Variants in GALNT17 observed in about 807,000 individuals in gnomAD.
The protein encoded by GALNT17 is UDP-GalNAc:polypeptide N-acetylgalactosaminyltransferase-like 3.
Under a neutral mutation model 63.7 loss-of-function variants are expected in GALNT17, and 29 were observed. The ratio of observed to expected loss-of-function variants is 0.46; its 90% CI spans 0.34 to 0.62. The LOEUF is 0.62. Among genes scored for constraint, GALNT17 ranks in the 20% least tolerant of loss-of-function variants. GALNT17 has a pLI of 0.01. For synonymous variants in GALNT17, 305 were observed against 318.3 expected (o/e 0.96, Z 0.45); for missense variants, 603 against 799.6 (o/e 0.75, Z 2.97).
At chr7:71,595,442 A>G (rs1438359462) in intron 6 of GALNT17, among the ~76,000 whole-genome samples, 2 of 151,350 alleles carry the variant, frequency 1.3e-5, no homozygotes, top group African/African-American at 4.9e-5. Context: ...AAAAAAAAAA[A>G]AAGATGCAAA....
At chr7:71,345,350 C>T (rs865911288) in intron 2 of GALNT17, among the ~76,000 whole-genome samples, 5 of 152,056 alleles carry the variant, frequency 3.3e-5, no homozygotes, top group Admixed American at 6.6e-5. Flanking sequence ...AATTTATGAG[C>T]GGTTTCTACT....
intron 8 of GALNT17, 148 bp downstream of exon 8, chr7:71,670,257 G>A (rs946983417): frequency 1.9e-4 from 200 of 1,070,334 alleles, no homozygotes; most frequent in Non-Finnish European, 1.4e-4. Flanking sequence ...CTCTCTAGCT[G>A]GGGGGTTGGG....
intron 5 of GALNT17, among the ~76,000 whole-genome samples, chr7:71,568,295 A>T (rs1049479200): frequency 4.6e-5 from 7 of 152,210 alleles, no homozygotes; most frequent in African/African-American, 1.4e-4. Flanking sequence ...TCAGTCGTTC[A>T]GTGGAGATGG....
In GALNT17 at chr7:71,562,080, C is replaced by A. The variant is rs148247020; in HGVS notation, c.963-9205C>A. Among the ~76,000 whole-genome samples the A allele has an allele frequency of 4.5e-3, 681 of 152,186 alleles. 11 individuals carry two copies. Among genetic ancestry groups the A allele is most frequent in the African/African-American group, 0.016 (650 of 41,530 alleles). Reference sequence around the variant, plus strand: ...AAGTGATTCTCCAGCCTCAGCCTCCCAAGTAACTGGGAATACAGGTGCGCA... The same window carrying A: ...AAGTGATTCTCCAGCCTCAGCCTCCAAAGTAACTGGGAATACAGGTGCGCA... On this transcript the variant is annotated intron_variant, in intron 5 of 10. Coordinates refer to ENST00000333538, the MANE Select transcript of GALNT17 (RefSeq NM_022479.3).
chr7:71,133,163 T>C (rs1787718770), intron 1 of GALNT17, 123 bp downstream of exon 1: 2 of 832,818 alleles, frequency 2.4e-6, no homozygotes, highest in Non-Finnish European at 3.5e-6. Flanking sequence ...TCCCGCGCGC[T>C]CCTTCTTACC....
intron 9 of GALNT17, among the ~76,000 whole-genome samples, chr7:71,690,368 GA>G (rs772531300): frequency 3.2e-3 from 427 of 132,020 alleles, no homozygotes; most frequent in Middle Eastern, 7.6e-3. Context: ...CCACTTCTCA[GA>G]AAAAAAAAAA....
rs150157389 is a variant in GALNT17 at position 71,416,012 on chromosome 7, C to G, written c.713C>G (p.Thr238Ser). The part of the protein sequence containing the change: ...RARIEGWKVA[T>S]GQVTGFFDAH... ...CGCATTGAGGGCTGGAAGGTGGCTA[C>G]CGGGCAGGTCACTGGCTTCTTTGAT... The change falls in exon 4 of 11, where the codon ACC (threonine) becomes AGC (serine). Residue 238 changes from threonine to serine, a missense_variant. Transcript: ENST00000333538. 1.4e-4 allele frequency: 233 copies of G among 1,613,360 alleles called. No individual in the cohort carries two copies. Among genetic ancestry groups the G allele is most frequent in the Non-Finnish European group, 1.9e-4 (222 of 1,179,754 alleles).
chr7:71,190,032 C>G (rs774247057), intron 1 of GALNT17, among the ~76,000 whole-genome samples: 2 of 151,954 alleles, frequency 1.3e-5, no homozygotes, highest in Non-Finnish European at 2.9e-5. Context: ...AGGATGGTCT[C>G]GATCACCTGA....
intron 3 of GALNT17, among the ~76,000 whole-genome samples, chr7:71,404,897 C>G (rs1242477233): frequency 6.6e-6 from 1 of 152,230 alleles, no homozygotes; most frequent in Non-Finnish European, 1.5e-5. Context: ...AAGTCCAGAG[C>G]CTGCTGCTCC....
chr7:71,162,057 TTTCC>T (rs145567277), intron 1 of GALNT17, among the ~76,000 whole-genome samples: 25,920 of 85,624 alleles, frequency 0.3, 4,325 homozygotes, highest in African/African-American at 0.33. Flanking sequence ...CCTTCCTCCC[TTTCC>T]TTCCTTCCTT....
intron 9 of GALNT17, among the ~76,000 whole-genome samples, chr7:71,690,182 G>A (rs761279155): frequency 5.3e-5 from 8 of 151,866 alleles, no homozygotes; most frequent in Non-Finnish European, 1.2e-4. Flanking sequence ...GCACCATCAC[G>A]CCCAGCTAAT....
At chr7:71,253,286 C>T (rs572264689) in intron 1 of GALNT17, among the ~76,000 whole-genome samples, 71 of 152,270 alleles carry the variant, frequency 4.7e-4, no homozygotes, top group South Asian at 6.2e-4. Context: ...GCAAAAGGCA[C>T]ATCTTACATG....
chr7:71,429,210 G>GAA (rs1786816143), intron 5 of GALNT17, among the ~76,000 whole-genome samples: 1 of 152,148 alleles, frequency 6.6e-6, no homozygotes, highest in African/African-American at 2.4e-5. Context: ...GGGAGAAGGG[G>GAA]AAAGTCTGAA....
At chr7:71,198,129 C>T (rs1286234926) in intron 1 of GALNT17, among the ~76,000 whole-genome samples, 2 of 142,436 alleles carry the variant, frequency 1.4e-5, no homozygotes, top group Admixed American at 7.6e-5. Context: ...ACCCAGGAGG[C>T]GGAGGTTGCA....
chr7:71,182,043 C>T (rs909820529), intron 1 of GALNT17, among the ~76,000 whole-genome samples: 31 of 152,228 alleles, frequency 2.0e-4, no homozygotes, highest in African/African-American at 5.1e-4. Context: ...GGCGTGGTGG[C>T]GCATGCCTGT....
At chr7:71,236,871 A>G (rs1789901482) in intron 1 of GALNT17, among the ~76,000 whole-genome samples, 1 of 152,242 alleles carries the variant, frequency 6.6e-6, no homozygotes. Flanking sequence ...AAAGAAAGCC[A>G]GGACGGGGAA....
chr7:71,508,352 G>C (rs1317021403), intron 5 of GALNT17, among the ~76,000 whole-genome samples: 1 of 152,196 alleles, frequency 6.6e-6, no homozygotes, highest in Non-Finnish European at 1.5e-5. Flanking sequence ...GGAAATATTA[G>C]AGCAATTTGG....
At chr7:71,292,521 A>G (rs757322509) in intron 1 of GALNT17, among the ~76,000 whole-genome samples, 14 of 152,146 alleles carry the variant, frequency 9.2e-5, no homozygotes, top group Non-Finnish European at 1.9e-4. Context: ...TATCATGGAC[A>G]TATAAAAATT....
At chr7:71,351,808 G>A (rs1792193602) in intron 2 of GALNT17, among the ~76,000 whole-genome samples, 1 of 152,142 alleles carries the variant, frequency 6.6e-6, no homozygotes, top group Non-Finnish European at 1.5e-5. Flanking sequence ...TGGCAGCCTA[G>A]GGAACAGATA....
Sources: gnomAD v4.1 joint callset for allele counts (sites outside exome capture counted in the v4.1 genomes callset) on GRCh38, gnomAD v4.1.1 for gene constraint, MANE v1.5 for transcripts, NCBI Gene and HGNC (gene_info 2026-07-23, HGNC 2026-07-21) for gene names.